Variants in CARF observed in about 807,000 individuals in gnomAD.
CARF encodes the protein calcium-responsive transcription factor.
CARF carries 57 observed loss-of-function variants against 82.0 expected under a neutral mutation model. The ratio of observed to expected loss-of-function variants is 0.70; its 90% CI spans 0.56 to 0.87. The LOEUF is 0.87. Among genes scored for constraint, CARF ranks in the 40% least tolerant of loss-of-function variants. The pLI, the probability that CARF is intolerant of heterozygous loss-of-function variation, is 0.00. For missense variants in CARF, 771 were observed against 855.8 expected (o/e 0.90, Z 1.24); for synonymous variants, 268 against 290.1 (o/e 0.92, Z 0.77).
intron 8 of CARF, among the ~76,000 whole-genome samples, chr2:202,956,798 T>TC (rs2059065147): frequency 6.6e-6 from 1 of 152,060 alleles, no homozygotes; most frequent in Non-Finnish European, 1.5e-5. Context: ...TTTTCTTTTT[T>TC]ATTTTTTTGA....
At chr2:202,925,222 A>C in intron 3 of CARF, 1 of 356,968 alleles carries the variant, frequency 2.8e-6, no homozygotes, top group Non-Finnish European at 5.6e-6. Context: ...ATTTGTCCTC[A>C]TCAAGAAGGA....
chr2:202,935,160 G>T (rs1693707748), intron 3 of CARF, among the ~76,000 whole-genome samples: 1 of 116,070 alleles, frequency 8.6e-6, no homozygotes. Context: ...ATATACTCCT[G>T]TATATATTTA....
intron 3 of CARF, among the ~76,000 whole-genome samples, chr2:202,941,621 T>C (rs1374321215): frequency 1.3e-5 from 2 of 152,186 alleles, no homozygotes; most frequent in Non-Finnish European, 2.9e-5. Context: ...AGTACAGAAG[T>C]GTAGTTAAAG....
chr2:202,943,587 T>TACACACACACAC (rs754214990), intron 5 of CARF, among the ~76,000 whole-genome samples: 3,347 of 115,022 alleles, frequency 0.029, 96 homozygotes, highest in African/African-American at 0.046. Flanking sequence ...TAATGGAATG[T>TACACACACACAC]ACACACACAC....
At chr2:202,965,684 T>A (rs747190320) in intron 9 of CARF, among the ~76,000 whole-genome samples, 3 of 152,150 alleles carry the variant, frequency 2.0e-5, no homozygotes, top group African/African-American at 7.2e-5. Flanking sequence ...TAAACAGAAG[T>A]TTTTATATTT....
Position 202,977,350 on chromosome 2 carries a change from C to A in CARF, c.1558+18C>A. 1.9e-6 allele frequency: 3 copies of A among 1,561,956 alleles called. No homozygotes were observed. The highest frequency in any genetic ancestry group is 2.6e-6 in the Non-Finnish European group (3 of 1,135,648). On this transcript the variant is annotated intron_variant, in intron 14 of 16. Transcript: ENST00000438828. Reference sequence around the variant, plus strand: ...TGCAGAAGGTAGGTTTTCTTGAATACCTTTAAAATATAAATTCAAATGGTG... The same window carrying A: ...TGCAGAAGGTAGGTTTTCTTGAATAACTTTAAAATATAAATTCAAATGGTG...
At position 202,984,199 on chromosome 2, in the gene CARF, T is replaced by A. The variant is rs143517736; in HGVS notation, c.*575T>A. Reference sequence around the variant, plus strand: ...GTCCAGCAGCTACATCTGTGGAAACTGTGCAGTTGCATTTTAGCCTCTTCC... The same window carrying A: ...GTCCAGCAGCTACATCTGTGGAAACAGTGCAGTTGCATTTTAGCCTCTTCC... On this transcript the variant is annotated 3_prime_UTR_variant, in exon 17 of 17. Transcript: ENST00000438828. 2.0e-5 allele frequency: 3 copies of A among 152,394 alleles called. No individual in the cohort carries two copies. In the East Asian group the frequency reaches 5.8e-4, roughly 29 times the overall value. 9.4% of individuals were successfully genotyped at this position (152,394 alleles called of 1,614,324 possible).
intron 15 of CARF, 106 bp from the exon 16 acceptor site, chr2:202,981,966 A>T: frequency 8.3e-7 from 1 of 1,206,160 alleles, no homozygotes; most frequent in Non-Finnish European, 1.2e-6. Flanking sequence ...TTTTAACCAT[A>T]CTCTTTTTAT....
At position 202,912,572 on chromosome 2, in the gene CARF, G is replaced by T. The variant is rs1191172454; in HGVS notation, c.-860G>T. The T allele has an allele frequency of 6.6e-6, 1 of 151,828 alleles. No individual in the cohort carries two copies. The highest frequency in any genetic ancestry group is 1.5e-5 in the Non-Finnish European group (1 of 67,928). 9.4% of individuals were successfully genotyped at this position (151,828 alleles called of 1,614,324 possible). A position where few individuals can be genotyped will look rare whatever the true frequency, so the allele number is the denominator to read the frequency against. On this transcript the variant is annotated 5_prime_UTR_variant, in exon 1 of 17. Transcript: ENST00000438828. ...CGCCCCCAGCCGCAGCCGGTCACTG[G>T]CGGCGCCTTCCGCGCCAAGCTTGGG...
At chr2:202,961,771 A>G in intron 9 of CARF, 1 of 351,364 alleles carries the variant, frequency 2.8e-6, no homozygotes, top group South Asian at 5.2e-5. Flanking sequence ...TAAATATTTT[A>G]GCCTTCTCTC....
At chr2:202,975,244 A>T (rs1196472852) in intron 13 of CARF, among the ~76,000 whole-genome samples, 1 of 152,140 alleles carries the variant, frequency 6.6e-6, no homozygotes, top group South Asian at 2.1e-4. Context: ...TCACAAGGTC[A>T]GAAGATAAAG....
chr2:202,916,240 G>A (rs1484237958), intron 1 of CARF, among the ~76,000 whole-genome samples: 1 of 151,660 alleles, frequency 6.6e-6, no homozygotes, highest in Non-Finnish European at 1.5e-5. Flanking sequence ...TAGTGCCGTG[G>A]CACAATCTTG....
rs1433678897 is a variant in CARF at position 202,974,212 on chromosome 2, C to T, written c.1332-122C>T. The T allele has an allele frequency of 2.2e-5, 13 of 601,052 alleles. No individual in the cohort carries two copies. The East Asian group carries it at 4.0e-4, about 19-fold the overall frequency. The allele number at this position is 601,052 out of a possible 1,614,324, so 37.2% of individuals were successfully genotyped here. The stretch of plus-strand genomic sequence containing the variant: ...AGTTTAAATAGGAAAATATAAATTA[C>T]TTACAGAGCTATAAACCATACTTTA... On this transcript the variant is annotated intron_variant, in intron 12 of 16. Transcript: ENST00000438828.
intron 2 of CARF, among the ~76,000 whole-genome samples, chr2:202,919,941 T>G (rs1306939452): frequency 6.6e-6 from 1 of 152,108 alleles, no homozygotes; most frequent in Admixed American, 6.6e-5. Flanking sequence ...TAAAACACTT[T>G]TAGCATAGTA....
In CARF at chr2:202,980,616, G is replaced by GTA. The variant is rs34656288; in HGVS notation, c.1559-894_1559-893dup. Among the ~76,000 whole-genome samples, 320 of 42,422 alleles carry GTA rather than the reference G, an allele frequency of 7.5e-3. 18 individuals are homozygous for GTA. Among genetic ancestry groups the GTA allele is most frequent in the African/African-American group, 0.022 (132 of 5,986 alleles). 27.8% of individuals were successfully genotyped at this position (42,422 alleles called of 152,430 possible). On this transcript the variant is annotated intron_variant, in intron 14 of 16. Coordinates refer to ENST00000438828, the MANE Select transcript of CARF (RefSeq NM_024744.17). ...GAGTTACAGATATAGCGTCTTTCAA[G>GTA]TATATATATATATATATATATATAT...
intron 5 of CARF, among the ~76,000 whole-genome samples, chr2:202,951,836 C>CTT (rs112347376): frequency 4.1e-4 from 58 of 142,404 alleles, no homozygotes; most frequent in Middle Eastern, 3.6e-3. Context: ...ATCAAGTTAC[C>CTT]TTTTTTTTTT....
At position 202,942,828 on chromosome 2, in the gene CARF, A is replaced by G. The variant is rs1234737026; in HGVS notation, c.167A>G (p.Asn56Ser). The G allele has an allele frequency of 1.2e-6, 2 of 1,613,924 alleles. No homozygotes were observed. The highest frequency in any genetic ancestry group is 1.7e-6 in the Non-Finnish European group (2 of 1,179,976). Residue 56 changes from asparagine to serine, a missense_variant, in exon 5 of 17, where the codon AAT becomes AGT. Coordinates refer to ENST00000438828, the MANE Select transcript of CARF (RefSeq NM_024744.17). ...CCCATCACTACTCGTGAAGCAAATAATTCACTCATATCACAGAATATACCA... is the reference window on the plus strand; with the variant it reads ...CCCATCACTACTCGTGAAGCAAATAGTTCACTCATATCACAGAATATACCA... ...VLPITTREAN[N>S]SLISQNIPGP...
intron 3 of CARF, among the ~76,000 whole-genome samples, chr2:202,933,040 T>A (rs1428536108): frequency 6.6e-6 from 1 of 152,122 alleles, no homozygotes; most frequent in Non-Finnish European, 1.5e-5. Context: ...GGTAGTTGCT[T>A]CACCTTATGC....
chr2:202,913,271 T>A (rs191092779), intron 1 of CARF, among the ~76,000 whole-genome samples, 169 bp downstream of exon 1: 94 of 152,294 alleles, frequency 6.2e-4, no homozygotes, highest in African/African-American at 2.1e-3. Flanking sequence ...GCAATGACAA[T>A]AAAAGTAGGA....
Sources: allele counts gnomAD v4.1 joint callset (sites outside exome capture counted in the v4.1 genomes callset), GRCh38; gene constraint gnomAD v4.1.1; transcripts MANE v1.5; gene names NCBI Gene and HGNC (gene_info 2026-07-23, HGNC 2026-07-21).